Variants in XKR5 observed in about 807,000 individuals in gnomAD.
XKR5 encodes XK-related protein 5.
Under a neutral mutation model 40.8 loss-of-function variants are expected in XKR5, and 46 were observed. The ratio of observed to expected loss-of-function variants is 1.13; its 90% CI spans 0.89 to 1.44. The LOEUF (loss-of-function observed/expected upper bound fraction) is 1.44. Among genes scored for constraint, XKR5 ranks in the 40% most tolerant of loss-of-function variants. The probability of loss-of-function intolerance (pLI) is 0.00; values close to 1 mark genes in which losing one functional copy is unlikely to be tolerated. For missense variants in XKR5, 1,169 were observed against 844.7 expected (o/e 1.38, Z -4.76); for synonymous variants, 466 against 356.1 (o/e 1.31, Z -3.48).
intron 6 of XKR5, among the ~76,000 whole-genome samples, chr8:6,814,508 G>C (rs149400237): frequency 2.0e-5 from 3 of 152,080 alleles, no homozygotes; most frequent in Admixed American, 6.5e-5. Context: ...CCACATGAAG[G>C]GTCCTCGTGG....
Position 6,811,507 on chromosome 8 carries a change from G to C in XKR5, c.1752C>G (p.His584Gln). 4 of 1,529,960 alleles carry C rather than the reference G, an allele frequency of 2.6e-6. No individual in the cohort carries two copies. The highest frequency in any genetic ancestry group is 3.5e-6 in the Non-Finnish European group (4 of 1,142,686). 94.8% of individuals were successfully genotyped at this position (1,529,960 alleles called of 1,614,324 possible). A position where few individuals can be genotyped will look rare whatever the true frequency, so the allele number is the denominator to read the frequency against. The change falls in exon 7 of 7, where the codon CAC becomes CAG. Residue 584 changes from histidine to glutamine, a missense_variant. Coordinates refer to ENST00000618742, the MANE Select transcript of XKR5 (RefSeq NM_207411.5). The part of the protein sequence containing the change: ...KSSPAQPASP[H>Q]PVGLAPFPDT... ...CGGGGAAGGGCGCCAAGCCCACTGG[G>C]TGGGGCGATGCAGGCTGGGCAGGGC...
rs1479553079 is a variant in XKR5, at chr8:6,811,145, C to A, written c.*53G>T. On this transcript the variant is annotated 3_prime_UTR_variant, in exon 7 of 7. Coordinates refer to ENST00000618742, the MANE Select transcript of XKR5 (RefSeq NM_207411.5). The stretch of plus-strand genomic sequence containing the variant: ...AGTGGGATTTCCTTTCTCACGGTAC[C>A]AAATGGCCAGCTTGGTTTGTCAGCC... The A allele has an allele frequency of 6.7e-7, 1 of 1,481,638 alleles. No homozygotes were observed. The highest frequency in any genetic ancestry group is 9.0e-7 in the Non-Finnish European group (1 of 1,115,156). 91.8% of individuals were successfully genotyped at this position (1,481,638 alleles called of 1,614,324 possible). A position where few individuals can be genotyped will look rare whatever the true frequency, so the allele number is the denominator to read the frequency against.
intron 5 of XKR5, among the ~76,000 whole-genome samples, chr8:6,817,134 C>G (rs531880059): frequency 6.6e-6 from 1 of 152,294 alleles, no homozygotes; most frequent in South Asian, 2.1e-4. Context: ...GGCCCCATGC[C>G]TCCTGTCTAG....
chr8:6,833,726 C>T (rs976825556), intron 1 of XKR5, among the ~76,000 whole-genome samples: 4 of 152,094 alleles, frequency 2.6e-5, no homozygotes, highest in African/African-American at 9.7e-5. Flanking sequence ...CAAAACAAAA[C>T]AAAACAGTAA....
rs190700036 is a variant in XKR5 at position 6,829,064 on chromosome 8, C to A, written c.242+3653G>T. 191 of 152,754 alleles carry A rather than the reference C, an allele frequency of 1.3e-3. 2 individuals are homozygous for A. The highest frequency in any genetic ancestry group is 2.3e-3 in the Non-Finnish European group (154 of 68,050). The allele number at this position is 152,754 out of a possible 1,614,324, so 9.5% of individuals were successfully genotyped here. ...ATCGCAACAGCCTTCAAGCCTCACTCGAGGGATCCTGAGGCAGGACTGGGC... is the reference window on the plus strand; with the variant it reads ...ATCGCAACAGCCTTCAAGCCTCACTAGAGGGATCCTGAGGCAGGACTGGGC... On this transcript the variant is annotated intron_variant, in intron 2 of 6. Transcript: ENST00000618742.
chr8:6,812,231 T>C lies in XKR5; in HGVS notation c.1028A>G (p.Glu343Gly), dbSNP rs369756511. The change falls in exon 7 of 7, where the codon GAG (glutamate) becomes GGG (glycine). Residue 343 changes from glutamate to glycine, a missense_variant. By Grantham distance (98) the Glu-to-Gly change is moderately conservative (BLOSUM62 -2). Transcript: ENST00000618742. ...SCGIAGGDKTERRDSPRATDL... is the reference protein window; with the variant it reads ...SCGIAGGDKTGRRDSPRATDL... ...TGTGGCCCGGGGAGAATCTCTTCTC[T>C]CTGTTTTATCACCTCCTGCAATGCC... 9 of 1,552,268 alleles carry C rather than the reference T, an allele frequency of 5.8e-6. No individual in the cohort carries two copies. Among genetic ancestry groups the C allele is most frequent in the Non-Finnish European group, 7.8e-6 (9 of 1,147,142 alleles).
chr8:6,830,088 C>G (rs1056282879), intron 2 of XKR5, among the ~76,000 whole-genome samples: 1 of 152,096 alleles, frequency 6.6e-6, no homozygotes, highest in African/African-American at 2.4e-5. Context: ...CCGCCTGCCT[C>G]GGCCTCTCAA....
At chr8:6,813,830 G>A (rs1329915362) in intron 6 of XKR5, among the ~76,000 whole-genome samples, 1 of 152,240 alleles carries the variant, frequency 6.6e-6, no homozygotes, top group Non-Finnish European at 1.5e-5. Flanking sequence ...AGTGGAACTG[G>A]AAGGAAACCA....
chr8:6,823,634 G>A lies in XKR5; in HGVS notation c.524C>T (p.Pro175Leu), dbSNP rs758038521. 1 of 1,592,972 alleles carries A rather than the reference G, an allele frequency of 6.3e-7. No individual in the cohort carries two copies. The highest frequency in any genetic ancestry group is 8.5e-7 in the Non-Finnish European group (1 of 1,170,010). ...GFMKPGHLAM[P>L]WAALFCQQLW... is the part of the protein sequence containing the mutation. ...CTGCTGGCAGAAGAGGGCGGCCCAT[G>A]GCATGGCCAGGTGGCCTGGCTTCAT... is the stretch of plus-strand genomic sequence containing the variant. Residue 175 changes from proline to leucine, a missense_variant, in exon 4 of 7, where the codon CCA becomes CTA. Coordinates refer to ENST00000618742, the MANE Select transcript of XKR5 (RefSeq NM_207411.5).
Position 6,815,928 on chromosome 8 carries a change from C to T in XKR5, c.808-10G>A. On this transcript the variant is annotated splice_polypyrimidine_tract_variant and intron_variant, in intron 5 of 6. Transcript: ENST00000618742. The stretch of plus-strand genomic sequence containing the variant: ...TCTCCAACAGCATGACCTGCGGGAC[C>T]CAGGACAGAGGCACCACACCTCGTC... The T allele has an allele frequency of 6.3e-7, 1 of 1,584,478 alleles. No homozygotes were observed. Among genetic ancestry groups the T allele is most frequent in the South Asian group, 1.2e-5 (1 of 86,936 alleles).
rs190941933 is a variant in XKR5, at chr8:6,811,693, T to C, written c.1566A>G (p.Thr522=). ...GCTGCCCACCTGTCCCCTTCCCCTG[T>C]GTCCCAGAAACAGCGTCAGCTCCTT... ...PKEGADAVSG[T]QGKGTGGQQR... is the part of the protein sequence containing the mutation. Residue 522 remains threonine, a synonymous_variant, in exon 7 of 7, where the codon ACA becomes ACG. Coordinates refer to ENST00000618742, the MANE Select transcript of XKR5 (RefSeq NM_207411.5). The C allele has an allele frequency of 1.2e-4, 177 of 1,537,744 alleles. No homozygotes were observed. The African/African-American group carries it at 2.2e-3, about 19-fold the overall frequency.
intron 5 of XKR5, among the ~76,000 whole-genome samples, chr8:6,818,792 C>T (rs1479459901): frequency 1.3e-5 from 2 of 152,226 alleles, no homozygotes; most frequent in Admixed American, 1.3e-4. Flanking sequence ...GCACTGGAGG[C>T]CCCCAGCCCC....
chr8:6,821,607 A>G (rs1215401894), intron 5 of XKR5, among the ~76,000 whole-genome samples: 1 of 152,212 alleles, frequency 6.6e-6, no homozygotes, highest in Admixed American at 6.5e-5. Flanking sequence ...GGGCTGATGT[A>G]GAGAAGACAT....
At chr8:6,815,760 A>G in intron 6 of XKR5, 47 bp downstream of exon 6, 2 of 1,350,202 alleles carry the variant, frequency 1.5e-6, no homozygotes, top group East Asian at 5.0e-5. Context: ...AAAAAAAAAA[A>G]TACGTTGGGG....
intron 5 of XKR5, among the ~76,000 whole-genome samples, chr8:6,817,910 A>G (rs907188142): frequency 1.3e-5 from 2 of 152,194 alleles, no homozygotes; most frequent in East Asian, 1.9e-4. Flanking sequence ...ACAAGCGCCA[A>G]TGAACAAACA....
chr8:6,813,418 T>A (rs1055784129), intron 6 of XKR5, among the ~76,000 whole-genome samples: 3 of 152,136 alleles, frequency 2.0e-5, no homozygotes, highest in African/African-American at 7.2e-5. Context: ...CTGGGCACAC[T>A]TATTCAGTGA....
intron 4 of XKR5, among the ~76,000 whole-genome samples, chr8:6,823,176 C>G (rs559225267): frequency 6.6e-6 from 1 of 152,324 alleles, no homozygotes; most frequent in East Asian, 1.9e-4. Flanking sequence ...CAGTCTAGTC[C>G]TCCATGCTCT....
At chr8:6,830,935 A>G (rs1244383820) in intron 2 of XKR5, among the ~76,000 whole-genome samples, 10 of 152,188 alleles carry the variant, frequency 6.6e-5, no homozygotes, top group Admixed American at 6.5e-4. Flanking sequence ...CTCATCTCTG[A>G]GGAAGGCAGT....
At chr8:6,823,053 C>A (rs1462646016) in intron 4 of XKR5, among the ~76,000 whole-genome samples, 3 of 152,142 alleles carry the variant, frequency 2.0e-5, no homozygotes, top group Admixed American at 6.5e-5. Context: ...GTTCTCTGCT[C>A]CAGATTTAGC....
Sources: gnomAD v4.1 joint callset for allele counts (sites outside exome capture counted in the v4.1 genomes callset) on GRCh38, gnomAD v4.1.1 for gene constraint, MANE v1.5 for transcripts, NCBI Gene and HGNC (gene_info 2026-07-23, HGNC 2026-07-21) for gene names.